Variants in BRDT observed in about 807,000 individuals in gnomAD.
BRDT encodes the protein bromodomain testis associated.
A neutral mutation model predicts 113.9 loss-of-function variants in BRDT; 77 were observed. The ratio of observed to expected loss-of-function variants is 0.68; its 90% CI spans 0.56 to 0.82. The LOEUF (loss-of-function observed/expected upper bound fraction) is 0.82, where lower values mean the gene tolerates loss of function less well. Among genes scored for constraint, BRDT ranks in the 40% least tolerant of loss-of-function variants. The pLI is 0.00. For missense variants in BRDT, 1,027 were observed against 1,105.4 expected (o/e 0.93, Z 1.01); for synonymous variants, 358 against 366.5 (o/e 0.98, Z 0.26).
chr1:91,979,111 T>G (rs1684464655), intron 7 of BRDT, among the ~76,000 whole-genome samples: 1 of 148,622 alleles, frequency 6.7e-6, no homozygotes, highest in Non-Finnish European at 1.5e-5. Context: ...CAGAGAAGCA[T>G]GAGTCTTTTT....
chr1:91,996,829 T>G (rs1686384971), intron 15 of BRDT, among the ~76,000 whole-genome samples: 1 of 152,214 alleles, frequency 6.6e-6, no homozygotes, highest in Non-Finnish European at 1.5e-5. Context: ...ATGTTTGAGA[T>G]GTTACAGAAT....
chr1:91,951,554 T>C (rs1448227081), intron 1 of BRDT, among the ~76,000 whole-genome samples: 1 of 151,626 alleles, frequency 6.6e-6, no homozygotes, highest in Non-Finnish European at 1.5e-5. Flanking sequence ...CCCAGCACTT[T>C]GGGAGTCAGG....
At chr1:91,976,886 G>A (rs1330356336) in intron 5 of BRDT, among the ~76,000 whole-genome samples, 157 bp from the exon 6 acceptor site, 1 of 152,168 alleles carries the variant, frequency 6.6e-6, no homozygotes, top group Non-Finnish European at 1.5e-5. Context: ...TTAACCTTTA[G>A]CAATATTTAA....
At chr1:91,961,468 A>C (rs1682433989) in intron 1 of BRDT, among the ~76,000 whole-genome samples, 1 of 152,052 alleles carries the variant, frequency 6.6e-6, no homozygotes, top group Non-Finnish European at 1.5e-5. Flanking sequence ...TGTCTCTACA[A>C]AAAAATACAA....
At chr1:92,007,720 C>G (rs182712588) in intron 18 of BRDT, among the ~76,000 whole-genome samples, 2 of 152,178 alleles carry the variant, frequency 1.3e-5, no homozygotes, top group African/African-American at 4.8e-5. Context: ...TACGTTATAC[C>G]ACCTCATGTT....
intron 15 of BRDT, among the ~76,000 whole-genome samples, chr1:91,995,619 T>A (rs1483723231): frequency 1.3e-5 from 2 of 150,144 alleles, no homozygotes; most frequent in Non-Finnish European, 3.0e-5. Context: ...TGTGCCACCA[T>A]GCCCAGCTAA....
At chr1:91,981,534 A>G in intron 11 of BRDT, 84 bp from the exon 12 acceptor site, 2 of 1,577,016 alleles carry the variant, frequency 1.3e-6, no homozygotes, top group Non-Finnish European at 1.7e-6. Flanking sequence ...ATGCGCGACC[A>G]TGCCCAGCCT....
At chr1:91,965,455 A>AT (rs1302023577) in intron 3 of BRDT, among the ~76,000 whole-genome samples, 2 of 152,194 alleles carry the variant, frequency 1.3e-5, no homozygotes, top group Non-Finnish European at 2.9e-5. Context: ...GCCTTAGTAT[A>AT]TACTAATCTT....
chr1:92,003,185 G>A (rs1423325453), intron 16 of BRDT, among the ~76,000 whole-genome samples: 2 of 152,112 alleles, frequency 1.3e-5, no homozygotes, highest in Non-Finnish European at 2.9e-5. Flanking sequence ...CATTGTGTTG[G>A]GGACAGGGAG....
chr1:91,972,148 T>G (rs1557822223), intron 4 of BRDT, among the ~76,000 whole-genome samples: 1 of 152,128 alleles, frequency 6.6e-6, no homozygotes, highest in Non-Finnish European at 1.5e-5. Context: ...AAGTAGTGTT[T>G]TTCTATTCTC....
rs201643747 is a variant in BRDT at position 92,004,564 on chromosome 1, C to T, written c.2539C>T (p.Arg847Trp). ...AAAAGCTCGGACACAGGAACTCATA[C>T]GGAAGCATTTGGAACAAAATACAAA... The part of the protein sequence containing the change: ...EVKARTQELI[R>W]KHLEQNTKEL... Residue 847 changes from arginine (R) to tryptophan (W), a missense_variant, in exon 17 of 19, where the codon CGG becomes TGG. Transcript: ENST00000399546. 3.9e-5 allele frequency: 63 copies of T among 1,612,374 alleles called. No homozygotes were observed. In the East Asian group the frequency reaches 4.9e-4, roughly 13 times the overall value.
intron 1 of BRDT, among the ~76,000 whole-genome samples, chr1:91,960,358 C>T (rs1305752425): frequency 6.6e-6 from 1 of 152,058 alleles, no homozygotes; most frequent in Non-Finnish European, 1.5e-5. Flanking sequence ...TATTATTTAG[C>T]CTTAAAAGGA....
At chr1:91,977,869 C>CA (rs1194116334) in intron 6 of BRDT, among the ~76,000 whole-genome samples, 8 of 150,012 alleles carry the variant, frequency 5.3e-5, no homozygotes, top group East Asian at 1.9e-4. Flanking sequence ...AACTCTGTCT[C>CA]AAAAAAAAAG....
chr1:91,991,095 C>G (rs1685711415), intron 12 of BRDT, 89 bp from the exon 13 acceptor site: 1 of 797,604 alleles, frequency 1.3e-6, no homozygotes, highest in Admixed American at 2.9e-5. Context: ...CTGTGCCCAG[C>G]CCCCACTGTG....
Position 92,012,245 on chromosome 1 carries a change from C to T in BRDT, c.2776-1961C>T, listed in dbSNP as rs372725583. On this transcript the variant is annotated intron_variant, in intron 18 of 18. Transcript: ENST00000399546. Reference sequence around the variant, plus strand: ...TCGGGAGGCAGAGGTTACAGTGAGCCGAGATCACGCCACTGCACTCCAGCC... The same window carrying T: ...TCGGGAGGCAGAGGTTACAGTGAGCTGAGATCACGCCACTGCACTCCAGCC... Among the ~76,000 whole-genome samples, 7 of 149,814 alleles carry T rather than the reference C, an allele frequency of 4.7e-5. No individual in the cohort carries two copies. In the East Asian group the frequency reaches 1.2e-3, roughly 25 times the overall value.
intron 12 of BRDT, 67 bp downstream of exon 12, chr1:91,981,822 AT>A: frequency 6.8e-7 from 1 of 1,466,618 alleles, no homozygotes; most frequent in Non-Finnish European, 9.0e-7. Flanking sequence ...ATTGATTTAT[AT>A]TTTGAAGAAA....
At chr1:91,953,923 C>G (rs567354267) in intron 1 of BRDT, among the ~76,000 whole-genome samples, 2 of 151,668 alleles carry the variant, frequency 1.3e-5, no homozygotes, top group Non-Finnish European at 2.9e-5. Flanking sequence ...GCTCATGATA[C>G]ATTTTTTTTT....
chr1:92,012,509 A>G (rs1305865313), intron 18 of BRDT, among the ~76,000 whole-genome samples: 1 of 152,232 alleles, frequency 6.6e-6, no homozygotes, highest in Non-Finnish European at 1.5e-5. Context: ...GTATCACATG[A>G]TATTTAAACT....
At chr1:91,953,972 T>G (rs1212080150) in intron 1 of BRDT, among the ~76,000 whole-genome samples, 2 of 151,518 alleles carry the variant, frequency 1.3e-5, no homozygotes, top group Non-Finnish European at 2.9e-5. Flanking sequence ...TTTTTTTGTT[T>G]GTTTTGTTTT....
Sources: gnomAD v4.1 joint callset for allele counts (sites outside exome capture counted in the v4.1 genomes callset) on GRCh38, gnomAD v4.1.1 for gene constraint, MANE v1.5 for transcripts, NCBI Gene and HGNC (gene_info 2026-07-23, HGNC 2026-07-21) for gene names.